TMEM236: variants seen among roughly 807,000 people sequenced by gnomAD.
TMEM236 encodes transmembrane protein 236, also known as family with sequence similarity 23, member A.
In TMEM236, 11 loss-of-function variants were observed where a neutral mutation model predicts 14.7. The observed-to-expected ratio is 0.75, with a 90% CI of 0.47 to 1.24. The LOEUF (loss-of-function observed/expected upper bound fraction) is 1.24. Ranked by LOEUF, TMEM236 falls within the 50% of genes most tolerant of loss-of-function variation. TMEM236 has a pLI of 0.00. For missense variants in TMEM236, 464 were observed against 427.3 expected (o/e 1.09, Z -0.76); for synonymous variants, 182 against 168.6 (o/e 1.08, Z -0.62).
chr10:17,791,310 TAGTC>T (rs1837920647), intron 3 of TMEM236, among the ~76,000 whole-genome samples: 2 of 145,904 alleles, frequency 1.4e-5, no homozygotes, highest in East Asian at 2.0e-4. Flanking sequence ...AAAAAAAAAT[TAGTC>T]AGGTGTGGTG....
At chr10:17,779,035 C>T (rs943220179) in intron 3 of TMEM236, among the ~76,000 whole-genome samples, 11 of 152,204 alleles carry the variant, frequency 7.2e-5, no homozygotes, top group Admixed American at 7.2e-4. Context: ...ACGGCAGTCT[C>T]ACAGATGTAC....
chr10:17,791,219 A>G (rs1837918905), intron 3 of TMEM236, among the ~76,000 whole-genome samples: 1 of 151,880 alleles, frequency 6.6e-6, no homozygotes, highest in African/African-American at 2.4e-5. Context: ...CTGAGGCAGG[A>G]GGATCACTTG....
At chr10:17,781,038 C>T (rs961662462) in intron 3 of TMEM236, among the ~76,000 whole-genome samples, 3 of 152,150 alleles carry the variant, frequency 2.0e-5, no homozygotes, top group Non-Finnish European at 2.9e-5. Flanking sequence ...GTTGCCTGCT[C>T]CTCACTGTAC....
intron 2 of TMEM236, among the ~76,000 whole-genome samples, chr10:17,773,783 C>T (rs1481873467): frequency 9.2e-5 from 14 of 151,964 alleles, no homozygotes; most frequent in East Asian, 1.9e-4. Context: ...CTTTTAAAAA[C>T]GTATTTGGAA....
intron 3 of TMEM236, among the ~76,000 whole-genome samples, chr10:17,789,404 T>C (rs968599946): frequency 3.9e-5 from 6 of 152,224 alleles, no homozygotes; most frequent in African/African-American, 1.4e-4. Flanking sequence ...AACAATTAAT[T>C]ATTTCACTAT....
At chr10:17,788,635 GC>G (rs1837875084) in intron 3 of TMEM236, among the ~76,000 whole-genome samples, 1 of 150,994 alleles carries the variant, frequency 6.6e-6, no homozygotes, top group African/African-American at 2.4e-5. Flanking sequence ...AAACCACCTA[GC>G]TTTCTAGTTG....
intron 1 of TMEM236, among the ~76,000 whole-genome samples, chr10:17,753,518 G>A (rs1189954198): frequency 3.3e-5 from 5 of 152,100 alleles, no homozygotes; most frequent in Admixed American, 6.6e-5. Flanking sequence ...CTGTTCCTGC[G>A]TTAGTTTGCT....
intron 1 of TMEM236, among the ~76,000 whole-genome samples, chr10:17,760,969 C>A (rs1837353087): frequency 6.6e-6 from 1 of 152,170 alleles, no homozygotes; most frequent in Non-Finnish European, 1.5e-5. Flanking sequence ...AGCTACAATT[C>A]AAGATGAGAT....
At chr10:17,763,809 G>T (rs1837415546) in intron 1 of TMEM236, among the ~76,000 whole-genome samples, 1 of 152,170 alleles carries the variant, frequency 6.6e-6, no homozygotes, top group South Asian at 2.1e-4. Flanking sequence ...AGAGTGGTTA[G>T]GGGCGTGAGT....
chr10:17,759,955 CCTGGACGAAAGAGCGAGACTCCGT>C (rs1837332774), intron 1 of TMEM236, among the ~76,000 whole-genome samples: 1 of 131,868 alleles, frequency 7.6e-6, no homozygotes, highest in African/African-American at 2.9e-5. Context: ...TGCAGTCCGG[CCTGGACGAAAGAGCGAGACTCCGT>C]CTCAAAAAAA....
chr10:17,766,768 A>G (rs1489604452), intron 1 of TMEM236, among the ~76,000 whole-genome samples: 10 of 152,210 alleles, frequency 6.6e-5, no homozygotes, highest in African/African-American at 2.4e-4. Context: ...AGAGCTGAAA[A>G]CACTGAGATC....
chr10:17,781,926 A>G (rs1296758894), intron 3 of TMEM236, among the ~76,000 whole-genome samples: 2 of 152,122 alleles, frequency 1.3e-5, no homozygotes, highest in African/African-American at 2.4e-5. Context: ...ATGTTTAAAA[A>G]TCATTAACCT....
intron 3 of TMEM236, among the ~76,000 whole-genome samples, chr10:17,793,813 T>C (rs1462824166): frequency 6.6e-6 from 1 of 152,172 alleles, no homozygotes; most frequent in Non-Finnish European, 1.5e-5. Flanking sequence ...ACATAAGAGG[T>C]GCAATGGATA....
intron 1 of TMEM236, among the ~76,000 whole-genome samples, chr10:17,763,487 C>A (rs1320883848): frequency 6.6e-6 from 1 of 152,144 alleles, no homozygotes; most frequent in Admixed American, 6.5e-5. Flanking sequence ...CTATTTGATT[C>A]ATCCTTCCTA....
Position 17,800,585 on chromosome 10 carries a change from T to G in TMEM236, c.*4081T>G, listed in dbSNP as rs1374599614. On this transcript the variant is annotated 3_prime_UTR_variant, in exon 4 of 4. Transcript: ENST00000377495. ...ATAGGAAAGAAAAGGGAAATGAAAT[T>G]GCTTGCTGAAGTCCTACTATGTTCT... The G allele has an allele frequency of 6.6e-6, 1 of 152,178 alleles. No homozygotes were observed. The highest frequency in any genetic ancestry group is 1.5e-5 in the Non-Finnish European group (1 of 68,038). 9.4% of individuals were successfully genotyped at this position (152,178 alleles called of 1,614,324 possible).
chr10:17,776,139 C>T lies in TMEM236; in HGVS notation c.441C>T (p.Leu147=). The part of the protein sequence containing the change: ...SLIMVDIIEK[L]RIYPLRGSQK... ...TCATGGTTGATATTATTGAAAAACTCAGGATATATCCTCTTAGAGGGAGTC... is the reference window on the plus strand; with the variant it reads ...TCATGGTTGATATTATTGAAAAACTTAGGATATATCCTCTTAGAGGGAGTC... The change falls in exon 3 of 4, where the codon CTC becomes CTT. Residue 147 remains leucine, a synonymous_variant. Coordinates refer to ENST00000377495, the MANE Select transcript of TMEM236 (RefSeq NM_001098844.3). 1 of 1,613,508 alleles carries T rather than the reference C, an allele frequency of 6.2e-7. No homozygotes were observed. The highest frequency in any genetic ancestry group is 8.5e-7 in the Non-Finnish European group (1 of 1,179,494).
chr10:17,754,975 A>G (rs1285765939), intron 1 of TMEM236, among the ~76,000 whole-genome samples: 1 of 150,666 alleles, frequency 6.6e-6, no homozygotes, highest in Non-Finnish European at 1.5e-5. Context: ...TTTCACTCTT[A>G]TTGTCCAGGC....
At chr10:17,761,911 C>A (rs966888219) in intron 1 of TMEM236, among the ~76,000 whole-genome samples, 1,541 of 152,212 alleles carry the variant, frequency 0.01, 28 homozygotes, top group African/African-American at 0.034. Context: ...CTTCGTAGAA[C>A]AGCCTTCTTT....
intron 1 of TMEM236, among the ~76,000 whole-genome samples, chr10:17,756,581 C>T (rs1209616968): frequency 1.3e-5 from 2 of 152,204 alleles, no homozygotes; most frequent in African/African-American, 4.8e-5. Flanking sequence ...CGGGCATGAA[C>T]CACTGTGCCC....
Sources: allele counts gnomAD v4.1 joint callset (sites outside exome capture counted in the v4.1 genomes callset), GRCh38; gene constraint gnomAD v4.1.1; transcripts MANE v1.5; gene names NCBI Gene and HGNC (gene_info 2026-07-23, HGNC 2026-07-21).